JPH3: variants seen among roughly 807,000 people sequenced by gnomAD.
The protein encoded by JPH3 is junctophilin-3.
Under a neutral mutation model 59.6 loss-of-function variants are expected in JPH3, and 11 were observed. The ratio of observed to expected loss-of-function variants is 0.18; its 90% CI spans 0.12 to 0.31. The LOEUF is 0.31. Ranked by LOEUF, JPH3 falls within the 10% of genes least tolerant of loss-of-function variation. JPH3 has a pLI of 1.00. For missense variants in JPH3, 1,202 were observed against 1,105.7 expected (o/e 1.09, Z -1.24); for synonymous variants, 673 against 483.6 (o/e 1.39, Z -5.14).
intron 2 of JPH3, among the ~76,000 whole-genome samples, chr16:87,658,618 T>A (rs1462139453): frequency 2.0e-5 from 3 of 152,114 alleles, no homozygotes; most frequent in African/African-American, 7.2e-5. Flanking sequence ...GGGCATGATG[T>A]CGTGGAGGGC....
chr16:87,645,065 C>T lies in JPH3; in HGVS notation c.1160+30C>T, dbSNP rs780867374. 3.7e-5 allele frequency: 59 copies of T among 1,576,736 alleles called. No individual in the cohort carries two copies. The East Asian group carries it at 1.3e-3, about 34-fold the overall frequency. The stretch of plus-strand genomic sequence containing the variant: ...GAGGGCGAGGGGGCGGGGGGCCCTT[C>T]TTGGTGCCCAGAAGGTGTTTGTGAG... On this transcript the variant is annotated intron_variant, in intron 2 of 4. Transcript: ENST00000284262.
chr16:87,629,524 G>A (rs1344856238), intron 1 of JPH3, among the ~76,000 whole-genome samples: 4 of 152,056 alleles, frequency 2.6e-5, no homozygotes, highest in Admixed American at 6.5e-5. Context: ...AAGTGGATAA[G>A]CAAACAGCGG....
intron 2 of JPH3, among the ~76,000 whole-genome samples, chr16:87,647,915 C>A (rs1236362196): frequency 1.3e-5 from 2 of 152,242 alleles, no homozygotes; most frequent in Non-Finnish European, 2.9e-5. Context: ...CCACATCCAG[C>A]CTGGGCTGTC....
chr16:87,644,204 C>T, intron 1 of JPH3, 54 bp from the exon 2 acceptor site: 1 of 1,534,334 alleles, frequency 6.5e-7, no homozygotes, highest in Non-Finnish European at 8.8e-7. Flanking sequence ...CGTGGCCAGG[C>T]TGTGCCCCCT....
chr16:87,644,859 C>T lies in JPH3; in HGVS notation c.984C>T (p.Phe328=). 6.2e-7 allele frequency: 1 copy of T among 1,613,520 alleles called. No individual in the cohort carries two copies. Among genetic ancestry groups the T allele is most frequent in the Non-Finnish European group, 8.5e-7 (1 of 1,179,928 alleles). Residue 328 remains phenylalanine (F), a synonymous_variant, in exon 2 of 5, where the codon TTC becomes TTT. Coordinates refer to ENST00000284262, the MANE Select transcript of JPH3 (RefSeq NM_020655.4). ...NRRHGYGCMT[F]PDGTKEEGKY... ...GCCATGGCTACGGCTGCATGACCTT[C>T]CCGGACGGCACCAAGGAGGAGGGCA...
intron 1 of JPH3, among the ~76,000 whole-genome samples, chr16:87,609,467 A>G (rs1288805300): frequency 1.3e-5 from 2 of 152,110 alleles, no homozygotes; most frequent in Non-Finnish European, 2.9e-5. Context: ...GTGTTTTGCC[A>G]TGTTGGCCAG....
chr16:87,681,772 A>G (rs1163437000), intron 2 of JPH3, among the ~76,000 whole-genome samples: 3 of 151,974 alleles, frequency 2.0e-5, no homozygotes, highest in African/African-American at 4.8e-5. Context: ...ATGTTTTCCT[A>G]TTTTCCTTGG....
In JPH3 at chr16:87,668,884, C is replaced by G. The variant is rs542932647; in HGVS notation, c.1161-15258C>G. Among the ~76,000 whole-genome samples, 11 of 151,734 alleles carry G rather than the reference C, an allele frequency of 7.2e-5. No homozygotes were observed. The East Asian group carries it at 2.1e-3, about 29-fold the overall frequency. On this transcript the variant is annotated intron_variant, in intron 2 of 4. Transcript: ENST00000284262. The stretch of plus-strand genomic sequence containing the variant: ...ACAGCCCTACCCCCAGCTCCCACCC[C>G]CTCCGGCTGTCCCGGAGGCCGTGCT...
intron 2 of JPH3, among the ~76,000 whole-genome samples, chr16:87,661,798 C>T (rs1044860707): frequency 6.6e-6 from 1 of 152,228 alleles, no homozygotes; most frequent in Non-Finnish European, 1.5e-5. Context: ...ACATACAATG[C>T]TGTGGTTTTC....
chr16:87,691,854 C>T (rs192884853), intron 4 of JPH3, among the ~76,000 whole-genome samples: 4 of 152,114 alleles, frequency 2.6e-5, no homozygotes, highest in South Asian at 4.2e-4. Flanking sequence ...CGTGGCTGTG[C>T]GCGCGCGGTT....
chr16:87,653,790 C>G (rs534824387), intron 2 of JPH3: 2 of 152,278 alleles, frequency 1.3e-5, no homozygotes, highest in African/African-American at 4.8e-5. Flanking sequence ...TCGAGTGGGA[C>G]TGGTGTCCTT....
rs1204108593 is a variant in JPH3 at position 87,655,358 on chromosome 16, TTATTTTTTGTGACAGGG to T, written c.1160+10325_1160+10341del. Among the ~76,000 whole-genome samples the T allele has an allele frequency of 2.9e-4, 15 of 51,032 alleles. No homozygotes were observed. In the East Asian group the frequency reaches 0.023, roughly 77 times the overall value. 33.5% of individuals were successfully genotyped at this position (51,032 alleles called of 152,430 possible). ...TAATTTTATTTTTTGTGACAGGGTG[TTATTTTTTGTGACAGGG>T]TGTTGTTCTGCTCTGTCCCCCGGGC... is the stretch of plus-strand genomic sequence containing the variant. On this transcript the variant is annotated intron_variant, in intron 2 of 4. Coordinates refer to ENST00000284262, the MANE Select transcript of JPH3 (RefSeq NM_020655.4).
rs1179793264 is a variant in JPH3 at position 87,690,033 on chromosome 16, C to G, written c.1673C>G (p.Thr558Ser). Residue 558 changes from threonine (T) to serine (S), a missense_variant, in exon 4 of 5, where the codon ACC (threonine) becomes AGC (serine). Physicochemically the swap from Thr to Ser is moderately conservative, Grantham distance 58 (BLOSUM62 1). Coordinates refer to ENST00000284262, the MANE Select transcript of JPH3 (RefSeq NM_020655.4). ...GGCCTGCTCGTGGATGACTTCCGCA[C>G]CCGAGGTTCGGGCCGCAAGCAGCCC... The part of the protein sequence containing the change: ...RGGLLVDDFR[T>S]RGSGRKQPGN... 1 of 1,546,804 alleles carries G rather than the reference C, an allele frequency of 6.5e-7. No homozygotes were observed. The highest frequency in any genetic ancestry group is 8.7e-7 in the Non-Finnish European group (1 of 1,145,382).
At chr16:87,692,930 A>G (rs1218129443) in intron 4 of JPH3, among the ~76,000 whole-genome samples, 5 of 152,186 alleles carry the variant, frequency 3.3e-5, no homozygotes, top group Non-Finnish European at 5.9e-5. Flanking sequence ...ACCCCACTAC[A>G]GGCTGACTAG....
intron 1 of JPH3, among the ~76,000 whole-genome samples, chr16:87,641,015 G>C (rs890339898): frequency 2.0e-5 from 3 of 152,212 alleles, no homozygotes; most frequent in Non-Finnish European, 4.4e-5. Context: ...AAGGGCGTTC[G>C]GGTGTGGAGC....
chr16:87,621,382 C>T lies in JPH3; in HGVS notation c.382+17854C>T, dbSNP rs534253493. ...ACAGGAACAGCCCAGACCTGGGATC[C>T]GCGGCTGCGCAAGGGGCTTCAGGGT... On this transcript the variant is annotated intron_variant, in intron 1 of 4. Transcript: ENST00000284262. Among the ~76,000 whole-genome samples the T allele has an allele frequency of 3.2e-4, 48 of 152,276 alleles. 1 individual carries two copies. The highest frequency in any genetic ancestry group is 1.1e-3 in the African/African-American group (45 of 41,554).
intron 2 of JPH3, among the ~76,000 whole-genome samples, chr16:87,683,600 A>G (rs1260745362): frequency 7.5e-6 from 1 of 133,856 alleles, no homozygotes; most frequent in Non-Finnish European, 1.6e-5. Context: ...CACTGTGCCC[A>G]GCCCCTCCCC....
At chr16:87,638,980 G>A (rs1039801084) in intron 1 of JPH3, among the ~76,000 whole-genome samples, 1 of 152,172 alleles carries the variant, frequency 6.6e-6, no homozygotes, top group African/African-American at 2.4e-5. Flanking sequence ...GAGGACAGGT[G>A]AACCTGGATC....
At chr16:87,621,390 C>G (rs965451032) in intron 1 of JPH3, among the ~76,000 whole-genome samples, 1 of 152,170 alleles carries the variant, frequency 6.6e-6, no homozygotes, top group Non-Finnish European at 1.5e-5. Flanking sequence ...TCCGCGGCTG[C>G]GCAAGGGGCT....
Sources: gnomAD v4.1 joint callset for allele counts (sites outside exome capture counted in the v4.1 genomes callset) on GRCh38, gnomAD v4.1.1 for gene constraint, MANE v1.5 for transcripts, NCBI Gene and HGNC (gene_info 2026-07-23, HGNC 2026-07-21) for gene names.